Variants in ZFP69 observed in about 807,000 individuals in gnomAD.
The protein encoded by ZFP69 is ZFP69 zinc finger protein.
ZFP69 carries 35 observed loss-of-function variants against 48.9 expected under a neutral mutation model. The ratio of observed to expected loss-of-function variants is 0.72; its 90% confidence interval spans 0.55 to 0.95. The LOEUF (loss-of-function observed/expected upper bound fraction) is 0.95. Among genes scored for constraint, ZFP69 ranks in the 40% least tolerant of loss-of-function variants. ZFP69 has a pLI of 0.00. For missense variants in ZFP69, 557 were observed against 638.4 expected, an observed-to-expected ratio of 0.87 and a Z score of 1.37; for synonymous variants, 193 against 216.8, an observed-to-expected ratio of 0.89 and a Z score of 0.96.
Position 40,481,762 on chromosome 1 carries a change from G to C in ZFP69, c.128-1G>C. The C allele has an allele frequency of 6.2e-7, 1 of 1,605,020 alleles. No homozygotes were observed. Among genetic ancestry groups the C allele is most frequent in the Non-Finnish European group, 8.5e-7 (1 of 1,174,404 alleles). On this transcript the variant is annotated splice_acceptor_variant, in intron 2 of 5. Transcript: ENST00000372706. LOFTEE classifies it high-confidence loss of function. ...AGCTCATGGCTCTTTTCCTTCCCCA[G>C]CTCTGCTGTCTCAGGATGCTGAGGA...
intron 2 of ZFP69, among the ~76,000 whole-genome samples, chr1:40,480,680 G>A (rs1645435118): frequency 6.6e-6 from 1 of 151,928 alleles, no homozygotes; most frequent in African/African-American, 2.4e-5. Context: ...AAACTGGTAA[G>A]GTCACAACAA....
intron 5 of ZFP69, among the ~76,000 whole-genome samples, chr1:40,494,569 A>C (rs1178128699): frequency 6.8e-6 from 1 of 147,464 alleles, no homozygotes; most frequent in African/African-American, 2.5e-5. Context: ...CGCCCGGCCC[A>C]AATATTTATA....
intron 2 of ZFP69, 39 bp downstream of exon 2, chr1:40,479,527 A>C: frequency 6.3e-7 from 1 of 1,576,084 alleles, no homozygotes; most frequent in Non-Finnish European, 8.6e-7. Context: ...AGGGGATCTC[A>C]TTTGTGTGTG....
chr1:40,489,127 C>G lies in ZFP69; in HGVS notation c.259C>G (p.Gln87Glu), dbSNP rs761593978. The change falls in exon 4 of 6, where the codon CAG becomes GAG. Residue 87 changes from glutamine to glutamate, a missense_variant. Physicochemically the swap from Gln to Glu is conservative, Grantham distance 29. Transcript: ENST00000372706. ...TFKDISIDFT[Q>E]EEWGQLAPAH... ...CAAGGACATATCTATTGACTTCACCCAGGAAGAGTGGGGGCAGCTGGCTCC... is the reference window on the plus strand; with the variant it reads ...CAAGGACATATCTATTGACTTCACCGAGGAAGAGTGGGGGCAGCTGGCTCC... 1 of 1,613,912 alleles carries G rather than the reference C, an allele frequency of 6.2e-7. No individual in the cohort carries two copies. The highest frequency in any genetic ancestry group is 8.5e-7 in the Non-Finnish European group (1 of 1,179,978).
At chr1:40,485,183 G>A (rs1645483368) in intron 3 of ZFP69, among the ~76,000 whole-genome samples, 1 of 151,856 alleles carries the variant, frequency 6.6e-6, no homozygotes, top group Non-Finnish European at 1.5e-5. Flanking sequence ...GTGAACCACT[G>A]AGTCTGGCCA....
intron 5 of ZFP69, among the ~76,000 whole-genome samples, chr1:40,494,354 C>T (rs1215861723): frequency 2.1e-5 from 3 of 140,694 alleles, no homozygotes; most frequent in Admixed American, 7.3e-5. Context: ...CTGCAAGCTC[C>T]GCCTCCCGGG....
intron 5 of ZFP69, chr1:40,490,902 G>A (rs1645561217): frequency 6.6e-6 from 1 of 152,096 alleles, no homozygotes; most frequent in African/African-American, 2.4e-5. Flanking sequence ...CACTCAGAAA[G>A]GCATAGAAAA....
chr1:40,495,918 A>C lies in ZFP69; in HGVS notation c.1440A>C (p.Ser480=). 1 of 1,614,214 alleles carries C rather than the reference A, an allele frequency of 6.2e-7. No homozygotes were observed. The highest frequency in any genetic ancestry group is 8.5e-7 in the Non-Finnish European group (1 of 1,180,042). The change falls in exon 6 of 6, where the codon TCA becomes TCC. Residue 480 remains serine, a synonymous_variant. Coordinates refer to ENST00000372706, the MANE Select transcript of ZFP69 (RefSeq NM_001320179.2). The stretch of plus-strand genomic sequence containing the variant: ...GTGGAAAAGCCTATAGGCATGATTC[A>C]TCCTTTAAAAAACATCAGAGACATC... ...NRCGKAYRHD[S]SFKKHQRHHT...
intron 3 of ZFP69, among the ~76,000 whole-genome samples, chr1:40,483,336 TCTC>T (rs2124443512): frequency 6.7e-6 from 1 of 150,316 alleles, no homozygotes; most frequent in Admixed American, 6.7e-5. Context: ...CTCAAGCAGT[TCTC>T]CTGCCTAAGC....
At position 40,479,477 on chromosome 1, in the gene ZFP69, T is replaced by C. The variant is rs767769267; in HGVS notation, c.116T>C (p.Phe39Ser). The C allele has an allele frequency of 1.9e-6, 3 of 1,612,970 alleles. No individual in the cohort carries two copies. Among genetic ancestry groups the C allele is most frequent in the Non-Finnish European group, 2.5e-6 (3 of 1,179,444 alleles). ...APLWEDVTKM[F>S]EGEALLSQDA... ...CTGTGGGAGGATGTGACTAAAATGT[T>C]TGAAGGAGAAGGTGAGAATGGACTG... The change falls in exon 2 of 6, where the codon TTT (phenylalanine) becomes TCT (serine). Residue 39 changes from phenylalanine to serine, a missense_variant. Transcript: ENST00000372706.
intron 3 of ZFP69, 145 bp from the exon 4 acceptor site, chr1:40,488,943 A>G: frequency 1.1e-6 from 1 of 880,690 alleles, no homozygotes; most frequent in Non-Finnish European, 1.8e-6. Flanking sequence ...TCAGATTTGG[A>G]GATCAGAGGA....
intron 3 of ZFP69, among the ~76,000 whole-genome samples, chr1:40,488,542 C>A (rs1645528598): frequency 6.6e-6 from 1 of 152,196 alleles, no homozygotes; most frequent in Non-Finnish European, 1.5e-5. Context: ...TGTTCCTCAT[C>A]TCCACCTCTC....
In ZFP69 at chr1:40,479,440, G is replaced by A. The variant is rs1244503124; in HGVS notation, c.79G>A (p.Glu27Lys). The change falls in exon 2 of 6, where the codon GAG becomes AAG. Residue 27 changes from glutamate (E) to lysine (K), a missense_variant. Glu to Lys is a moderately conservative substitution (Grantham distance 56, BLOSUM62 1). Coordinates refer to ENST00000372706, the MANE Select transcript of ZFP69 (RefSeq NM_001320179.2). ...VKLQHPKKAV[E>K]GAPLWEDVTK... is the part of the protein sequence containing the mutation. Reference sequence around the variant, plus strand: ...GCTGCAACATCCAAAGAAGGCCGTGGAGGGGGCGCCCCTGTGGGAGGATGT... The same window carrying A: ...GCTGCAACATCCAAAGAAGGCCGTGAAGGGGGCGCCCCTGTGGGAGGATGT... The A allele has an allele frequency of 6.2e-7, 1 of 1,614,100 alleles. No individual in the cohort carries two copies. Among genetic ancestry groups the A allele is most frequent in the Non-Finnish European group, 8.5e-7 (1 of 1,179,954 alleles).
chr1:40,485,531 A>C (rs1645488104), intron 3 of ZFP69, among the ~76,000 whole-genome samples: 1 of 152,146 alleles, frequency 6.6e-6, no homozygotes, highest in Non-Finnish European at 1.5e-5. Flanking sequence ...ATGGAAAAAA[A>C]CATGTCTTTC....
intron 3 of ZFP69, among the ~76,000 whole-genome samples, chr1:40,484,788 A>G (rs1645478214): frequency 6.9e-6 from 1 of 145,976 alleles, no homozygotes; most frequent in Non-Finnish European, 1.5e-5. Flanking sequence ...TTACTGTGTT[A>G]GCCAGGATGG....
chr1:40,479,533 G>T, intron 2 of ZFP69, 45 bp downstream of exon 2: 2 of 1,565,954 alleles, frequency 1.3e-6, no homozygotes, highest in Non-Finnish European at 1.7e-6. Context: ...TCTCATTTGT[G>T]TGTGAAAAGA....
chr1:40,479,538 A>G, intron 2 of ZFP69, 50 bp downstream of exon 2: 1 of 1,555,174 alleles, frequency 6.4e-7, no homozygotes, highest in South Asian at 1.2e-5. Context: ...TTTGTGTGTG[A>G]AAAGATAGGT....
Position 40,491,998 on chromosome 1 carries a change from C to G in ZFP69, c.442+2374C>G, listed in dbSNP as rs550289762. 1.8e-3 allele frequency among the ~76,000 whole-genome samples: 278 copies of G among 151,798 alleles called. 1 individual carries two copies. Among genetic ancestry groups the G allele is most frequent in the Non-Finnish European group, 2.8e-3 (189 of 67,926 alleles). ...TTATTGTTTGTGCTTTTTAAGAAAC[C>G]CTTTTATGCCTTATTATTCTTTTTT... On this transcript the variant is annotated intron_variant, in intron 5 of 5. Transcript: ENST00000372706.
intron 3 of ZFP69, among the ~76,000 whole-genome samples, chr1:40,483,226 A>ATTTTTTTTTTTTTTATTTTTTTTTT (rs1645460427): frequency 8.5e-6 from 1 of 116,980 alleles, no homozygotes. Flanking sequence ...ACCTTTTTTA[A>ATTTTTTTTTTTTTTATTTTTTTTTT]TTTTTTTTTT....
Sources: gnomAD v4.1 joint callset for allele counts (sites outside exome capture counted in the v4.1 genomes callset) on GRCh38, gnomAD v4.1.1 for gene constraint, MANE v1.5 for transcripts, NCBI Gene and HGNC (gene_info 2026-07-23, HGNC 2026-07-21) for gene names.